ARHGEF12: variants seen among roughly 807,000 people sequenced by gnomAD.
ARHGEF12 encodes the protein KMT2A/ARHGEF12 fusion protein.
Under a neutral mutation model 211.2 loss-of-function variants are expected in ARHGEF12, and 66 were observed. The ratio of observed to expected loss-of-function variants is 0.31; its 90% CI spans 0.26 to 0.38. The LOEUF (loss-of-function observed/expected upper bound fraction) is 0.38, where lower values mean the gene tolerates loss of function less well. Among genes scored for constraint, ARHGEF12 ranks in the 10% least tolerant of loss-of-function variants. The pLI is 1.00. For synonymous variants in ARHGEF12, 592 were observed against 638.4 expected (o/e 0.93, Z 1.09); for missense variants, 1,429 against 1,869.5 (o/e 0.76, Z 4.34).
Position 120,442,159 on chromosome 11 carries a change from G to A in ARHGEF12, c.1259G>A (p.Arg420His), listed in dbSNP as rs1394986561. Residue 420 changes from arginine to histidine, a missense_variant, in exon 15 of 41, where the codon CGC (arginine) becomes CAC (histidine). By Grantham distance (29) the Arg-to-His change is conservative. This residue lies in a region of ARHGEF12 where 373 missense variants were observed against 467.5 expected (regional missense o/e 0.80). Coordinates refer to ENST00000397843, the MANE Select transcript of ARHGEF12 (RefSeq NM_015313.3). ...CATACCAATTCCAAAGAAACTCGTC[G>A]CATCTTCCTTGAGTTTCATCAGTTC... Reference protein sequence around the residue: ...YKHTNSKETRRIFLEFHQFFL... With the variant: ...YKHTNSKETRHIFLEFHQFFL... 1.9e-6 allele frequency: 3 copies of A among 1,610,170 alleles called. No homozygotes were observed. Among genetic ancestry groups the A allele is most frequent in the Non-Finnish European group, 1.7e-6 (2 of 1,179,250 alleles).
At position 120,485,273 on chromosome 11, in the gene ARHGEF12, T is replaced by A. The variant is rs1437503553; in HGVS notation, c.*196T>A. 5.3e-6 allele frequency: 3 copies of A among 570,326 alleles called. No homozygotes were observed. Among genetic ancestry groups the A allele is most frequent in the Non-Finnish European group, 9.4e-6 (3 of 319,270 alleles). 35.3% of individuals were successfully genotyped at this position (570,326 alleles called of 1,614,324 possible). A position where few individuals can be genotyped will look rare whatever the true frequency, so the allele number is the denominator to read the frequency against. ...AGTGTGGCAGCTGCACTAATCTGTT[T>A]GTGAGGGAATATCCATTCCCTCACT... On this transcript the variant is annotated 3_prime_UTR_variant, in exon 41 of 41. Transcript: ENST00000397843.
At position 120,472,948 on chromosome 11, in the gene ARHGEF12, C is replaced by G. The variant is rs990929646; in HGVS notation, c.2956-102C>G. 1.2e-5 allele frequency: 13 copies of G among 1,105,300 alleles called. No individual in the cohort carries two copies. In the African/African-American group the frequency reaches 2.0e-4, roughly 17 times the overall value. The allele number at this position is 1,105,300 out of a possible 1,614,324, so 68.5% of individuals were successfully genotyped here. ...GAGATTACAGGTGTGAGCCACCACG[C>G]CTGGCCAAAATGGAGATTTTAAATG... On this transcript the variant is annotated intron_variant, in intron 30 of 40. Transcript: ENST00000397843.
chr11:120,474,496 TATAG>T, intron 31 of ARHGEF12, 60 bp from the exon 32 acceptor site: 8 of 1,138,920 alleles, frequency 7.0e-6, no homozygotes, highest in Non-Finnish European at 1.0e-5. Context: ...GACTGTATTA[TATAG>T]ATAATCATGT....
intron 30 of ARHGEF12, among the ~76,000 whole-genome samples, chr11:120,472,740 C>T (rs780504050): frequency 5.3e-5 from 8 of 151,826 alleles, no homozygotes; most frequent in Non-Finnish European, 1.2e-4. Flanking sequence ...CTGCAAGCTC[C>T]GCCTCCCAGG....
At chr11:120,429,580 T>C (rs760044661) in intron 9 of ARHGEF12, 63 bp downstream of exon 9, 76 of 1,582,900 alleles carry the variant, frequency 4.8e-5, no homozygotes, top group Non-Finnish European at 6.4e-5. Flanking sequence ...ATGGTTGAGT[T>C]GGTGTTTATC....
chr11:120,407,912 GTTGT>G (rs1280991648), intron 3 of ARHGEF12, 89 bp downstream of exon 3: 9 of 1,147,154 alleles, frequency 7.8e-6, no homozygotes, highest in Middle Eastern at 2.0e-4. Context: ...CTCAGGAATA[GTTGT>G]TTGATCTGTT....
intron 7 of ARHGEF12, 128 bp from the exon 8 acceptor site, chr11:120,427,941 A>G: frequency 1.5e-6 from 1 of 681,020 alleles, no homozygotes; most frequent in Admixed American, 3.1e-5. Flanking sequence ...GATGTAGCAG[A>G]TGATGGGACT....
intron 7 of ARHGEF12, among the ~76,000 whole-genome samples, chr11:120,427,038 G>A (rs1173510378): frequency 9.2e-5 from 14 of 151,854 alleles, no homozygotes; most frequent in African/African-American, 2.7e-4. Context: ...CACCACGCCC[G>A]GCTAATTTTT....
intron 7 of ARHGEF12, 127 bp from the exon 8 acceptor site, chr11:120,427,942 T>C (rs1178407306): frequency 7.2e-6 from 5 of 699,260 alleles, no homozygotes; most frequent in Non-Finnish European, 1.1e-5. Flanking sequence ...ATGTAGCAGA[T>C]GATGGGACTG....
Position 120,345,902 on chromosome 11 carries a change from C to G in ARHGEF12, c.32+8627C>G, listed in dbSNP as rs189476209. Among the ~76,000 whole-genome samples, 381 of 151,880 alleles carry G rather than the reference C, an allele frequency of 2.5e-3. 3 individuals are homozygous for G. Among genetic ancestry groups the G allele is most frequent in the African/African-American group, 8.7e-3 (359 of 41,420 alleles). ...TCATTTTTAAGTAATTATCGGTAGCCTTATTATATTTTTATTTTTTAATAC... is the reference window on the plus strand; with the variant it reads ...TCATTTTTAAGTAATTATCGGTAGCGTTATTATATTTTTATTTTTTAATAC... On this transcript the variant is annotated intron_variant, in intron 1 of 40. Coordinates refer to ENST00000397843, the MANE Select transcript of ARHGEF12 (RefSeq NM_015313.3).
At chr11:120,476,318 C>T in intron 33 of ARHGEF12, 1 of 168,942 alleles carries the variant, frequency 5.9e-6, no homozygotes, top group Non-Finnish European at 1.3e-5. Flanking sequence ...AGCGGTCCAC[C>T]TGCCTCGGCC....
Position 120,482,332 on chromosome 11 carries a change from G to A in ARHGEF12, c.4554+756G>A, listed in dbSNP as rs12418336. ...CTATGACAGATAGAAATTGGCTTCA[G>A]TGGCTCCTGTAATCTAAAAACATGG... On this transcript the variant is annotated intron_variant, in intron 39 of 40. Coordinates refer to ENST00000397843, the MANE Select transcript of ARHGEF12 (RefSeq NM_015313.3). Among the ~76,000 whole-genome samples, 411 of 152,300 alleles carry A rather than the reference G, an allele frequency of 2.7e-3. 7 individuals are homozygous for A. Among genetic ancestry groups the A allele is most frequent in the Admixed American group, 0.02 (305 of 15,294 alleles).
chr11:120,339,005 C>CT (rs906260027), intron 1 of ARHGEF12, among the ~76,000 whole-genome samples: 51,358 of 122,226 alleles, frequency 0.42, 10,402 homozygotes, highest in African/African-American at 0.55. Flanking sequence ...TTTTCTTTTT[C>CT]TTTTTTTTTT....
intron 15 of ARHGEF12, among the ~76,000 whole-genome samples, chr11:120,444,507 T>C (rs1052265879): frequency 1.3e-5 from 2 of 152,202 alleles, no homozygotes; most frequent in South Asian, 4.1e-4. Context: ...CTACTGCCTG[T>C]CAAAGAGAAA....
At position 120,347,266 on chromosome 11, in the gene ARHGEF12, C is replaced by CTCTCTGTGTG. The variant is rs1426650315; in HGVS notation, c.32+9992_32+9993insCTCTGTGTGT. 5.2e-5 allele frequency among the ~76,000 whole-genome samples: 7 copies of CTCTCTGTGTG among 133,596 alleles called. No individual in the cohort carries two copies. The South Asian group carries it at 1.2e-3, about 23-fold the overall frequency. The allele number at this position is 133,596 out of a possible 152,430, so 87.6% of individuals were successfully genotyped here. On this transcript the variant is annotated intron_variant, in intron 1 of 40. Coordinates refer to ENST00000397843, the MANE Select transcript of ARHGEF12 (RefSeq NM_015313.3). ...TCTGTTTCTCTCTCTCTCTCTCTCT[C>CTCTCTGTGTG]TGTCTGTGTGTGTGTGTGTGTGTGT...
chr11:120,448,989 G>T, intron 20 of ARHGEF12, 120 bp from the exon 21 acceptor site: 2 of 783,754 alleles, frequency 2.6e-6, no homozygotes, highest in South Asian at 3.5e-5. Context: ...ATACACACGT[G>T]TACGGGTTTT....
At chr11:120,390,127 C>T (rs569127416) in intron 1 of ARHGEF12, among the ~76,000 whole-genome samples, 44 of 152,178 alleles carry the variant, frequency 2.9e-4, no homozygotes, top group African/African-American at 1.0e-3. Flanking sequence ...ATTCGCACAC[C>T]TGGGTAGTGC....
At chr11:120,442,427 T>TATACAC (rs1156564301) in intron 15 of ARHGEF12, among the ~76,000 whole-genome samples, 1 of 144,004 alleles carries the variant, frequency 6.9e-6, no homozygotes, top group African/African-American at 2.6e-5. Context: ...TATATATATA[T>TATACAC]ACACACACAC....
Position 120,484,443 on chromosome 11 carries a change from G to A in ARHGEF12, c.4560G>A (p.Val1520=). ...IEADLEHLKK[V]EESYTILCQR... is the part of the protein sequence containing the mutation. ...CTATGGGTTTTATTTCACAGAAGGT[G>A]GAGGAAAGTTACACCATTCTTTGCC... Residue 1520 remains valine (V), a synonymous_variant, in exon 40 of 41, where the codon GTG becomes GTA. Transcript: ENST00000397843. 2 of 1,613,858 alleles carry A rather than the reference G, an allele frequency of 1.2e-6. No individual in the cohort carries two copies. The highest frequency in any genetic ancestry group is 1.7e-6 in the Non-Finnish European group (2 of 1,179,886).
Sources: gnomAD v4.1 joint callset for allele counts (sites outside exome capture counted in the v4.1 genomes callset) on GRCh38, gnomAD v4.1.1 for gene constraint, gnomAD v4.1.1 regional missense constraint, MANE v1.5 for transcripts, NCBI Gene and HGNC (gene_info 2026-07-23, HGNC 2026-07-21) for gene names.